EIPR1: variants seen among roughly 807,000 people sequenced by gnomAD.
The protein encoded by EIPR1 is EARP complex and GARP complex interacting protein 1, also known as EARP and GARP complex-interacting protein 1.
Under a neutral mutation model 48.1 loss-of-function variants are expected in EIPR1, and 25 were observed. That is an observed-to-expected ratio of 0.52 (90% CI 0.38 to 0.73). EIPR1 has a LOEUF of 0.73. EIPR1 is among the 30% of genes least tolerant of loss of function. EIPR1 has a pLI of 0.00. For missense variants in EIPR1, 415 were observed against 506.2 expected (o/e 0.82, Z 1.73); for synonymous variants, 204 against 201.9 (o/e 1.01, Z -0.09).
chr2:3,361,069 GCAGT>G (rs1166708936), intron 1 of EIPR1, among the ~76,000 whole-genome samples: 4 of 152,162 alleles, frequency 2.6e-5, no homozygotes, highest in African/African-American at 9.7e-5. Flanking sequence ...AAGAAAAAAT[GCAGT>G]CAAAGAATTG....
At chr2:3,346,558 A>G (rs542373399) in intron 2 of EIPR1, among the ~76,000 whole-genome samples, 9 of 152,332 alleles carry the variant, frequency 5.9e-5, no homozygotes, top group Non-Finnish European at 1.2e-4. Flanking sequence ...GCCTCACAAT[A>G]TGTGTCAGGG....
At chr2:3,225,868 C>T (rs1480382622) in intron 4 of EIPR1, among the ~76,000 whole-genome samples, 1 of 152,222 alleles carries the variant, frequency 6.6e-6, no homozygotes, top group Non-Finnish European at 1.5e-5. Flanking sequence ...CTTTTTCAGA[C>T]TCCACAGGTG....
chr2:3,224,757 G>A (rs558825405), intron 4 of EIPR1, among the ~76,000 whole-genome samples: 5 of 152,310 alleles, frequency 3.3e-5, no homozygotes, highest in Admixed American at 2.6e-4. Flanking sequence ...CACCTACCGA[G>A]CTGAACATCG....
chr2:3,289,865 C>T (rs1029856761), intron 3 of EIPR1, among the ~76,000 whole-genome samples: 1 of 152,218 alleles, frequency 6.6e-6, no homozygotes, highest in Non-Finnish European at 1.5e-5. Flanking sequence ...CCACAAGATA[C>T]TGGCCCCACC....
chr2:3,331,271 G>A lies in EIPR1; in HGVS notation c.259+6746C>T, dbSNP rs71444252. 2.2e-5 allele frequency among the ~76,000 whole-genome samples: 2 copies of A among 90,876 alleles called. 1 individual carries two copies. The highest frequency in any genetic ancestry group is 1.9e-4 in the Admixed American group (2 of 10,422). 59.6% of individuals were successfully genotyped at this position (90,876 alleles called of 152,430 possible). The stretch of plus-strand genomic sequence containing the variant: ...TGTGTACACACTCATGAGATGGTGT[G>A]AGCAGAGGCAGGTGTGTATACACTC... On this transcript the variant is annotated intron_variant, in intron 3 of 8. Coordinates refer to ENST00000382125, the MANE Select transcript of EIPR1 (RefSeq NM_003310.5).
intron 3 of EIPR1, among the ~76,000 whole-genome samples, chr2:3,270,249 C>T (rs1667664581): frequency 1.3e-5 from 2 of 152,190 alleles, no homozygotes; most frequent in South Asian, 2.1e-4. Context: ...CACGGGTGCT[C>T]GCTGCAGGGT....
intron 1 of EIPR1, among the ~76,000 whole-genome samples, chr2:3,362,315 T>TG (rs1310098930): frequency 6.6e-6 from 1 of 151,656 alleles, no homozygotes; most frequent in Non-Finnish European, 1.5e-5. Context: ...TTCATACACA[T>TG]GGGGGTGAGC....
At chr2:3,258,728 G>C (rs1255023657) in intron 3 of EIPR1, among the ~76,000 whole-genome samples, 1 of 152,086 alleles carries the variant, frequency 6.6e-6, no homozygotes, top group Non-Finnish European at 1.5e-5. Context: ...ATGATAAGAA[G>C]TTAAAAGATT....
intron 3 of EIPR1, among the ~76,000 whole-genome samples, chr2:3,334,412 G>A (rs1203720637): frequency 6.6e-6 from 1 of 152,266 alleles, no homozygotes; most frequent in African/African-American, 2.4e-5. Flanking sequence ...CAGAGCACAA[G>A]TATGTTTGCA....
chr2:3,225,332 A>C (rs1443018645), intron 4 of EIPR1, among the ~76,000 whole-genome samples: 5 of 150,652 alleles, frequency 3.3e-5, no homozygotes, highest in African/African-American at 1.2e-4. Flanking sequence ...TGCAGCCTTG[A>C]CCTCCTGGGT....
At chr2:3,323,903 C>G (rs1669611804) in intron 3 of EIPR1, among the ~76,000 whole-genome samples, 1 of 152,200 alleles carries the variant, frequency 6.6e-6, no homozygotes. Context: ...GGCAGGGGTG[C>G]TCCGCTGCTG....
intron 4 of EIPR1, among the ~76,000 whole-genome samples, chr2:3,230,240 A>C (rs986461223): frequency 6.6e-6 from 1 of 152,204 alleles, no homozygotes; most frequent in African/African-American, 2.4e-5. Context: ...GAATAACCAA[A>C]AAACATGGTG....
intron 5 of EIPR1, among the ~76,000 whole-genome samples, chr2:3,210,550 G>A (rs756493722): frequency 1.7e-4 from 26 of 151,934 alleles, no homozygotes; most frequent in South Asian, 1.5e-3. Context: ...AGCAACATCC[G>A]CAGGCGAGTC....
chr2:3,206,007 C>T (rs1320389161), intron 5 of EIPR1, among the ~76,000 whole-genome samples: 3 of 152,142 alleles, frequency 2.0e-5, no homozygotes, highest in South Asian at 2.1e-4. Flanking sequence ...TTATGTGGGG[C>T]GAACACTGAT....
intron 4 of EIPR1, among the ~76,000 whole-genome samples, chr2:3,232,255 A>T (rs1411138985): frequency 6.6e-6 from 1 of 152,114 alleles, no homozygotes; most frequent in African/African-American, 2.4e-5. Flanking sequence ...TTCGAAAAGC[A>T]GCTCTAAGTT....
At chr2:3,201,565 G>A (rs371432248) in intron 5 of EIPR1, among the ~76,000 whole-genome samples, 14 of 152,296 alleles carry the variant, frequency 9.2e-5, no homozygotes, top group African/African-American at 2.6e-4. Flanking sequence ...GAGGGAGAGC[G>A]TGGCTCCCAC....
At chr2:3,321,076 T>C (rs4335976) in intron 3 of EIPR1, among the ~76,000 whole-genome samples, 151,322 of 152,344 alleles carry the variant, frequency 0.99, 75,158 homozygotes, top group East Asian at 1. Flanking sequence ...AGGCTCCACC[T>C]GAAGCATGCT....
rs182763704 is a variant in EIPR1 at position 3,189,659 on chromosome 2, C to A, written c.990-151G>T. 9.7e-6 allele frequency: 7 copies of A among 723,354 alleles called. No individual in the cohort carries two copies. In the African/African-American group the frequency reaches 1.1e-4, roughly 11 times the overall value. 44.8% of individuals were successfully genotyped at this position (723,354 alleles called of 1,614,324 possible). ...TGTGGGATGGGAAGAATTAGAGGAG[C>A]CCACACCGAGGACGGTGGGGTGGTC... On this transcript the variant is annotated intron_variant, in intron 8 of 8. Coordinates refer to ENST00000382125, the MANE Select transcript of EIPR1 (RefSeq NM_003310.5). This position sits in a 1 kb window ranked among gnomAD's most constrained non-coding sequence, Gnocchi z 4.6.
chr2:3,243,087 A>G (rs1261487804), intron 4 of EIPR1, among the ~76,000 whole-genome samples: 1 of 152,192 alleles, frequency 6.6e-6, no homozygotes, highest in Non-Finnish European at 1.5e-5. Context: ...TGGGTAACTC[A>G]GTTATTAAAA....
Sources: gnomAD v4.1 joint callset for allele counts (sites outside exome capture counted in the v4.1 genomes callset) on GRCh38, gnomAD v4.1.1 for gene constraint, Gnocchi (gnomAD v3.1) non-coding constraint, MANE v1.5 for transcripts, NCBI Gene and HGNC (gene_info 2026-07-23, HGNC 2026-07-21) for gene names.